ARHGAP6: variants seen among roughly 807,000 people sequenced by gnomAD.
ARHGAP6 encodes rho GTPase-activating protein 6.
In ARHGAP6, 16 loss-of-function variants were observed where a neutral mutation model predicts 55.7. The observed-to-expected ratio is 0.29, with a 90% CI of 0.19 to 0.44. The LOEUF is 0.44. Ranked by LOEUF, ARHGAP6 falls within the 20% of genes least tolerant of loss-of-function variation. The probability of loss-of-function intolerance (pLI) is 1.00; values close to 1 mark genes in which losing one functional copy is unlikely to be tolerated. For synonymous variants in ARHGAP6, 382 were observed against 360.9 expected, an observed-to-expected ratio of 1.06 and a Z score of -0.66; for missense variants, 698 against 808.9, an observed-to-expected ratio of 0.86 and a Z score of 1.66.
intron 1 of ARHGAP6, among the ~76,000 whole-genome samples, chrX:11,596,958 C>T (rs985664463): frequency 9.0e-6 from 1 of 111,713 alleles, no homozygotes; most frequent in South Asian, 3.7e-4. Context: ...GTGATCAACT[C>T]GTACCAGTTT....
chrX:11,314,509 T>C (rs944136743), intron 1 of ARHGAP6, among the ~76,000 whole-genome samples: 4 of 112,622 alleles, frequency 3.6e-5, no homozygotes, highest in Non-Finnish European at 5.6e-5. Flanking sequence ...GTTCACTCTT[T>C]AAATTTGTGG....
At chrX:11,295,610 C>T (rs995516281) in intron 1 of ARHGAP6, among the ~76,000 whole-genome samples, 2 of 110,924 alleles carry the variant, frequency 1.8e-5, no homozygotes, top group South Asian at 7.7e-4. Flanking sequence ...CAAGCTTGCA[C>T]CCTTGCCTCC....
At chrX:11,292,963 G>C (rs1217031693) in intron 1 of ARHGAP6, among the ~76,000 whole-genome samples, 1 of 111,549 alleles carries the variant, frequency 9.0e-6, no homozygotes, top group East Asian at 2.8e-4. Context: ...GAGAGCTTTG[G>C]GGTTTTACCC....
intron 5 of ARHGAP6, among the ~76,000 whole-genome samples, chrX:11,182,602 TTTC>T (rs2046328425): frequency 9.1e-6 from 1 of 109,878 alleles, no homozygotes; most frequent in Non-Finnish European, 1.9e-5. Context: ...TTCATTTTCT[TTTC>T]TTTTCTTTCT....
intron 1 of ARHGAP6, among the ~76,000 whole-genome samples, chrX:11,522,677 C>T (rs1300288491): frequency 9.0e-6 from 1 of 111,567 alleles, no homozygotes; most frequent in African/African-American, 3.3e-5. Context: ...CCTCCTAAGA[C>T]TAATCCATGA....
chrX:11,182,144 A>G (rs370035539), intron 5 of ARHGAP6, 26 bp from the exon 6 acceptor site: 3 of 1,172,149 alleles, frequency 2.6e-6, no homozygotes, highest in Non-Finnish European at 3.5e-6. Context: ...CAAAATGAAC[A>G]GTCTTGTTTC....
intron 1 of ARHGAP6, among the ~76,000 whole-genome samples, chrX:11,660,517 ACTCTCT>A (rs1200418138): frequency 2.5e-5 from 2 of 78,733 alleles, no homozygotes; most frequent in Admixed American, 3.4e-4. Flanking sequence ...ACAGGGTGAG[ACTCTCT>A]CTCTCTCAAA....
intron 1 of ARHGAP6, among the ~76,000 whole-genome samples, chrX:11,648,821 C>T (rs764215176): frequency 3.2e-4 from 36 of 111,889 alleles, no homozygotes; most frequent in Non-Finnish European, 6.2e-4. Context: ...TGCTACTTCC[C>T]ATGAGCCTGT....
At chrX:11,163,266 A>AAAC (rs950084800) in intron 9 of ARHGAP6, among the ~76,000 whole-genome samples, 10 of 112,369 alleles carry the variant, frequency 8.9e-5, no homozygotes, top group Admixed American at 2.8e-4. Flanking sequence ...TGAAAGAATA[A>AAAC]AACTGTCACA....
At chrX:11,463,925 G>A (rs182637013) in intron 1 of ARHGAP6, among the ~76,000 whole-genome samples, 16 of 112,494 alleles carry the variant, frequency 1.4e-4, no homozygotes, top group Non-Finnish European at 3.8e-5. Flanking sequence ...ACCATGAAAT[G>A]CCCTTCAGAA....
intron 1 of ARHGAP6, among the ~76,000 whole-genome samples, chrX:11,522,915 G>A (rs1394892175): frequency 2.7e-5 from 3 of 110,442 alleles, no homozygotes; most frequent in Non-Finnish European, 5.7e-5. Flanking sequence ...AACCAAAGCC[G>A]GGCAGAGACA....
At chrX:11,208,667 G>T (rs1391763039) in intron 2 of ARHGAP6, among the ~76,000 whole-genome samples, 3 of 111,824 alleles carry the variant, frequency 2.7e-5, no homozygotes, top group Admixed American at 9.5e-5. Flanking sequence ...GATAGTTAAT[G>T]CTAACAATGT....
At chrX:11,331,011 C>T (rs1439564405) in intron 1 of ARHGAP6, among the ~76,000 whole-genome samples, 1 of 112,074 alleles carries the variant, frequency 8.9e-6, no homozygotes, top group South Asian at 3.7e-4. Context: ...CTCCTGTCCT[C>T]CTCTCAGTCC....
intron 1 of ARHGAP6, among the ~76,000 whole-genome samples, chrX:11,509,266 C>T (rs1291126136): frequency 9.0e-6 from 1 of 111,581 alleles, no homozygotes; most frequent in Non-Finnish European, 1.9e-5. Context: ...TTCAGCTAAA[C>T]AAAATAAAAT....
chrX:11,333,704 G>A (rs1372655550), intron 1 of ARHGAP6, among the ~76,000 whole-genome samples: 1 of 112,021 alleles, frequency 8.9e-6, no homozygotes, highest in African/African-American at 3.3e-5. Flanking sequence ...TTGCTGCAGT[G>A]GCAGCAAACT....
intron 1 of ARHGAP6, among the ~76,000 whole-genome samples, chrX:11,608,669 G>A (rs761952189): frequency 9.0e-6 from 1 of 111,602 alleles, no homozygotes; most frequent in Admixed American, 9.5e-5. Context: ...GAGGGACCCC[G>A]TGGGAGATAA....
At chrX:11,309,363 AG>A (rs1347595725) in intron 1 of ARHGAP6, among the ~76,000 whole-genome samples, 1 of 110,424 alleles carries the variant, frequency 9.1e-6, no homozygotes, top group Non-Finnish European at 1.9e-5. Flanking sequence ...GGAGGCAGGG[AG>A]GGACACTGCT....
intron 1 of ARHGAP6, among the ~76,000 whole-genome samples, chrX:11,625,920 G>A (rs1323576769): frequency 9.0e-6 from 1 of 111,381 alleles, no homozygotes; most frequent in East Asian, 2.8e-4. Context: ...TCTAAACAGT[G>A]CCTGGTCTAT....
chrX:11,455,177 C>T lies in ARHGAP6; in HGVS notation c.589-200470G>A, dbSNP rs561907460. Among the ~76,000 whole-genome samples the T allele has an allele frequency of 1.8e-4, 20 of 112,314 alleles. No individual in the cohort carries two copies. The South Asian group carries it at 5.6e-3, about 31-fold the overall frequency. On this transcript the variant is annotated intron_variant, in intron 1 of 12. Coordinates refer to ENST00000337414, the MANE Select transcript of ARHGAP6 (RefSeq NM_013427.3). ...AAATTCCTCTATTTGCTTTCCAGGC[C>T]TCTTTTGAAAATAACCACAGGAAGA...
Sources: allele counts gnomAD v4.1 joint callset (sites outside exome capture counted in the v4.1 genomes callset), GRCh38; gene constraint gnomAD v4.1.1; transcripts MANE v1.5; gene names NCBI Gene and HGNC (gene_info 2026-07-23, HGNC 2026-07-21).